ZNF544: variants seen among roughly 807,000 people sequenced by gnomAD.
ZNF544 encodes zinc finger protein AF020591.
A neutral mutation model predicts 13.5 loss-of-function variants in ZNF544; 10 were observed. The observed-to-expected ratio is 0.74, with a 90% CI of 0.46 to 1.25. ZNF544 has a LOEUF of 1.25. Among genes scored for constraint, ZNF544 ranks in the 50% most tolerant of loss-of-function variants. The probability of loss-of-function intolerance (pLI) is 0.00; values close to 1 mark genes in which losing one functional copy is unlikely to be tolerated. For missense variants in ZNF544, 896 were observed against 845.6 expected (o/e 1.06, Z -0.74); for synonymous variants, 323 against 300.5 (o/e 1.07, Z -0.77).
intron 5 of ZNF544, among the ~76,000 whole-genome samples, chr19:58,271,423 G>A (rs960597461): frequency 1.3e-5 from 2 of 151,816 alleles, no homozygotes; most frequent in South Asian, 2.1e-4. Flanking sequence ...GCAACATGGC[G>A]AGACCTGGTC....
chr19:58,266,235 A>AAAAC (rs1304231167), downstream of ZNF544, among the ~76,000 whole-genome samples: 2 of 147,194 alleles, frequency 1.4e-5, no homozygotes, highest in Non-Finnish European at 3.0e-5. Flanking sequence ...AAAAAAAAAA[A>AAAAC]GGGCTGTGTG....
chr19:58,270,923 G>A (rs1481713729), intron 5 of ZNF544, among the ~76,000 whole-genome samples: 2 of 152,170 alleles, frequency 1.3e-5, no homozygotes, highest in Non-Finnish European at 2.9e-5. Context: ...GAAAACTAAA[G>A]ATGATTGGCT....
chr19:58,248,698 G>A (rs556279278), intron 6 of ZNF544, among the ~76,000 whole-genome samples: 5 of 152,168 alleles, frequency 3.3e-5, no homozygotes, highest in Non-Finnish European at 7.3e-5. Context: ...ACTGGTGGAG[G>A]ATGTGCAGGT....
At chr19:58,255,761 C>G (rs904069799) in intron 6 of ZNF544, among the ~76,000 whole-genome samples, 1 of 152,180 alleles carries the variant, frequency 6.6e-6, no homozygotes, top group South Asian at 2.1e-4. Context: ...GATGAGCTGC[C>G]GCTGCCAGTT....
chr19:58,269,406 G>C lies in ZNF544; in HGVS notation c.245-6917G>C, dbSNP rs147239044. ...GCTAAGATTGTGCCACTGCACTCCA[G>C]CCTTGGGCGACAAAGCGAGACTCTG... On this transcript the variant is annotated intron_variant, in intron 5 of 6. Coordinates refer to the ZNF544 transcript ENST00000595981. 3.7e-3 allele frequency among the ~76,000 whole-genome samples: 534 copies of C among 145,984 alleles called. 4 individuals are homozygous for C. Among genetic ancestry groups the C allele is most frequent in the African/African-American group, 0.013 (505 of 39,330 alleles).
At position 58,263,171 on chromosome 19, in the gene ZNF544, C is replaced by G. The variant is rs994868783; in HGVS notation, c.*417C>G. ...ATGGGCAAGAAACTCTATGAATAAC[C>G]AAGATGGAGCCGGGTGCAGTTGCCA... On this transcript the variant is annotated 3_prime_UTR_variant, in exon 7 of 7. Transcript: ENST00000687789. 2.3e-5 allele frequency: 23 copies of G among 997,244 alleles called. No homozygotes were observed. The highest frequency in any genetic ancestry group is 2.6e-5 in the Non-Finnish European group (22 of 836,622). The allele number at this position is 997,244 out of a possible 1,614,324, so 61.8% of individuals were successfully genotyped here.
In ZNF544 at chr19:58,262,966, C is replaced by T. The variant is rs374864435; in HGVS notation, c.*212C>T. 2.9e-5 allele frequency: 39 copies of T among 1,345,418 alleles called. No individual in the cohort carries two copies. The highest frequency in any genetic ancestry group is 5.3e-4 in the Middle Eastern group (2 of 3,794). The allele number at this position is 1,345,418 out of a possible 1,614,324, so 83.3% of individuals were successfully genotyped here. On this transcript the variant is annotated 3_prime_UTR_variant, in exon 7 of 7. Coordinates refer to ENST00000687789, the MANE Select transcript of ZNF544 (RefSeq NM_014480.4). ...ATGATCGCTCAACCCTTAGTAAACA[C>T]GAGAGGACACACACTGGAGGCAAAC...
chr19:58,263,534 T>C lies in ZNF544; in HGVS notation c.*780T>C. ...AAATCAGGTGGCCAAAACATGACTC[T>C]CAGAGTGGGGCTTCATGACCATGTG... is the stretch of plus-strand genomic sequence containing the variant. On this transcript the variant is annotated 3_prime_UTR_variant, in exon 7 of 7. Transcript: ENST00000687789. The C allele has an allele frequency of 7.1e-6, 7 of 985,446 alleles. No individual in the cohort carries two copies. The highest frequency in any genetic ancestry group is 8.4e-6 in the Non-Finnish European group (7 of 829,944). 61.0% of individuals were successfully genotyped at this position (985,446 alleles called of 1,614,324 possible).
intron 6 of ZNF544, among the ~76,000 whole-genome samples, chr19:58,251,096 AC>A (rs1879199475): frequency 6.6e-6 from 1 of 152,226 alleles, no homozygotes; most frequent in Non-Finnish European, 1.5e-5. Flanking sequence ...AGGGGTGGAT[AC>A]CTATGCTGTC....
At chr19:58,231,545 G>A (rs947312986) in intron 3 of ZNF544, among the ~76,000 whole-genome samples, 15 of 152,048 alleles carry the variant, frequency 9.9e-5, no homozygotes, top group African/African-American at 2.9e-4. Context: ...CATAGGCCCC[G>A]GTGTGTTTTA....
At chr19:58,277,239 G>A in exon 7 of ZNF544, 1 of 689,612 alleles carries the variant, frequency 1.5e-6, no homozygotes, top group South Asian at 9.1e-5. Context: ...CTGAGAGAGT[G>A]TGGCCAGCTT....
chr19:58,232,098 C>A (rs911564953), intron 3 of ZNF544, among the ~76,000 whole-genome samples: 1 of 151,702 alleles, frequency 6.6e-6, no homozygotes, highest in Non-Finnish European at 1.5e-5. Context: ...ATATGTAATG[C>A]CAGAAATAAG....
downstream of ZNF544, among the ~76,000 whole-genome samples, chr19:58,266,454 G>A (rs1429809290): frequency 1.4e-5 from 2 of 141,518 alleles, no homozygotes; most frequent in Non-Finnish European, 3.0e-5. Flanking sequence ...GGCAGAGCTT[G>A]CAGTGAGCCA....
At chr19:58,246,450 G>T in intron 5 of ZNF544, 23 bp downstream of exon 5, 2 of 1,613,580 alleles carry the variant, frequency 1.2e-6, no homozygotes, top group Non-Finnish European at 1.7e-6. Context: ...GCTCATGGAA[G>T]GAGGTTCTAC....
chr19:58,263,535 C>G lies in ZNF544; in HGVS notation c.*781C>G, dbSNP rs904735668. 2.7e-5 allele frequency: 27 copies of G among 985,342 alleles called. No individual in the cohort carries two copies. The African/African-American group carries it at 4.0e-4, about 15-fold the overall frequency. 61.0% of individuals were successfully genotyped at this position (985,342 alleles called of 1,614,324 possible). On this transcript the variant is annotated 3_prime_UTR_variant, in exon 7 of 7. Coordinates refer to ENST00000687789, the MANE Select transcript of ZNF544 (RefSeq NM_014480.4). ...AATCAGGTGGCCAAAACATGACTCT[C>G]AGAGTGGGGCTTCATGACCATGTGC...
chr19:58,236,233 G>T (rs1348714720), intron 3 of ZNF544, among the ~76,000 whole-genome samples: 2 of 151,274 alleles, frequency 1.3e-5, no homozygotes, highest in South Asian at 4.2e-4. Context: ...GCCAGGCACG[G>T]TGACTCACGC....
intron 5 of ZNF544, among the ~76,000 whole-genome samples, chr19:58,269,450 A>AC (rs910939734): frequency 2.9e-5 from 1 of 34,818 alleles, no homozygotes; most frequent in African/African-American, 7.9e-5. Flanking sequence ...AAAAACAAAC[A>AC]AAAAAAATGT....
intron 3 of ZNF544, among the ~76,000 whole-genome samples, chr19:58,241,473 C>T (rs760194686): frequency 9.9e-5 from 15 of 151,048 alleles, no homozygotes; most frequent in Admixed American, 2.7e-4. Flanking sequence ...CATCTGATAG[C>T]AATTCTAATC....
In ZNF544 at chr19:58,261,488, G is replaced by C. The variant is rs201604142; in HGVS notation, c.882G>C (p.Gly294=). 1 of 1,614,034 alleles carries C rather than the reference G, an allele frequency of 6.2e-7. No individual in the cohort carries two copies. Among genetic ancestry groups the C allele is most frequent in the Non-Finnish European group, 8.5e-7 (1 of 1,180,028 alleles). ...SLNEQKPVHF[G]KSQYECDECR... is the part of the protein sequence containing the mutation. ...ATGAACAGAAGCCAGTGCATTTTGG[G>C]AAAAGTCAGTATGAGTGTGATGAGT... Residue 294 remains glycine (G), a synonymous_variant, in exon 7 of 7, where the codon GGG becomes GGC. Coordinates refer to ENST00000687789, the MANE Select transcript of ZNF544 (RefSeq NM_014480.4).
Sources: gnomAD v4.1 joint callset for allele counts (sites outside exome capture counted in the v4.1 genomes callset) on GRCh38, gnomAD v4.1.1 for gene constraint, MANE v1.5 for transcripts, NCBI Gene and HGNC (gene_info 2026-07-23, HGNC 2026-07-21) for gene names.